Variants in KHDRBS3 observed in about 807,000 individuals in gnomAD.
The protein encoded by KHDRBS3 is KH domain-containing, RNA-binding, signal transduction-associated protein 3.
A neutral mutation model predicts 45.6 loss-of-function variants in KHDRBS3; 23 were observed. The observed-to-expected ratio is 0.50, with a 90% CI of 0.36 to 0.72. The LOEUF is 0.72. KHDRBS3 is among the 30% of genes least tolerant of loss of function. The pLI is 0.00. For synonymous variants in KHDRBS3, 162 were observed against 156.5 expected (o/e 1.04, Z -0.26); for missense variants, 352 against 424.8 (o/e 0.83, Z 1.51).
chr8:135,474,903 T>G (rs1430769169), intron 1 of KHDRBS3, among the ~76,000 whole-genome samples: 2 of 152,220 alleles, frequency 1.3e-5, no homozygotes, highest in East Asian at 3.9e-4. Context: ...TCTGGAGGCT[T>G]CAGGGGAGAG....
intron 2 of KHDRBS3, among the ~76,000 whole-genome samples, chr8:135,534,961 C>T (rs1197824844): frequency 1.3e-5 from 2 of 152,108 alleles, no homozygotes; most frequent in Non-Finnish European, 2.9e-5. Flanking sequence ...ACTGAGGTCC[C>T]CGCTGACAGC....
chr8:135,480,397 A>C (rs1382398988), intron 1 of KHDRBS3, among the ~76,000 whole-genome samples: 1 of 152,134 alleles, frequency 6.6e-6, no homozygotes, highest in Non-Finnish European at 1.5e-5. Context: ...CCACTAAAAA[A>C]CTACTAAAAC....
intron 7 of KHDRBS3, among the ~76,000 whole-genome samples, chr8:135,624,205 G>A (rs1191251158): frequency 2.0e-5 from 3 of 152,152 alleles, no homozygotes; most frequent in African/African-American, 7.2e-5. Context: ...AGAAAGAATT[G>A]CAGCATGGTC....
chr8:135,536,998 G>GAAAAA (rs148125847), intron 2 of KHDRBS3, among the ~76,000 whole-genome samples: 1 of 26,852 alleles, frequency 3.7e-5, no homozygotes, highest in South Asian at 2.1e-3. Context: ...AAAAAAAAAA[G>GAAAAA]GAGATGTTTA....
intron 7 of KHDRBS3, among the ~76,000 whole-genome samples, chr8:135,630,249 T>A (rs1830537889): frequency 6.6e-6 from 1 of 152,170 alleles, no homozygotes; most frequent in African/African-American, 2.4e-5. Flanking sequence ...GCAGACTGAC[T>A]CCCTGGGGAG....
intron 1 of KHDRBS3, among the ~76,000 whole-genome samples, chr8:135,487,799 C>T (rs532235986): frequency 3.3e-5 from 5 of 152,258 alleles, no homozygotes; most frequent in South Asian, 2.1e-4. Flanking sequence ...TGAGCGAGAA[C>T]GTTCAATGTG....
intron 2 of KHDRBS3, among the ~76,000 whole-genome samples, chr8:135,522,244 C>T (rs755064311): frequency 3.9e-5 from 6 of 152,184 alleles, no homozygotes; most frequent in Non-Finnish European, 8.8e-5. Context: ...ATAATAGCTT[C>T]CAGCTCCTTC....
intron 3 of KHDRBS3, among the ~76,000 whole-genome samples, chr8:135,547,532 A>G (rs1422867390): frequency 2.0e-5 from 3 of 152,222 alleles, no homozygotes; most frequent in African/African-American, 7.2e-5. Context: ...AGGTGACTAA[A>G]TCCCATGCCC....
chr8:135,654,372 G>A (rs1295811810), intron 4 of KHDRBS3, among the ~76,000 whole-genome samples: 1 of 152,218 alleles, frequency 6.6e-6, no homozygotes, highest in Non-Finnish European at 1.5e-5. Context: ...GTTTCCCATA[G>A]AGGTCATGGT....
rs79060198 is a variant in KHDRBS3, at chr8:135,592,786, A to G, written c.807+10713A>G. On this transcript the variant is annotated intron_variant, in intron 6 of 8. Coordinates refer to ENST00000355849, the MANE Select transcript of KHDRBS3 (RefSeq NM_006558.3). ...GGTTATATAGCATCTTCCATAAGGA[A>G]CAGTAAATTTTTGCAGAAATGACTA... Among the ~76,000 whole-genome samples, 164 of 152,336 alleles carry G rather than the reference A, an allele frequency of 1.1e-3. 1 individual carries two copies. In the East Asian group the frequency reaches 0.022, roughly 20 times the overall value.
intron 1 of KHDRBS3, among the ~76,000 whole-genome samples, chr8:135,462,237 GT>G (rs541659142): frequency 0.058 from 8,128 of 140,128 alleles, 271 homozygotes; most frequent in Admixed American, 0.12. Context: ...TGTGTTATCA[GT>G]TTTTTTTTTT....
At chr8:135,586,328 C>A (rs1197621428) in intron 6 of KHDRBS3, among the ~76,000 whole-genome samples, 6 of 149,316 alleles carry the variant, frequency 4.0e-5, no homozygotes, top group Non-Finnish European at 4.5e-5. Context: ...AAAACAAAAC[C>A]AAAAAAAAAA....
At chr8:135,612,149 C>A (rs1829731364) in intron 7 of KHDRBS3, among the ~76,000 whole-genome samples, 1 of 151,806 alleles carries the variant, frequency 6.6e-6, no homozygotes, top group South Asian at 2.1e-4. Flanking sequence ...ACCTCGGTGC[C>A]AAAACATTCT....
chr8:135,640,049 G>A (rs2131178312), intron 7 of KHDRBS3, among the ~76,000 whole-genome samples: 1 of 152,254 alleles, frequency 6.6e-6, no homozygotes, highest in East Asian at 1.9e-4. Flanking sequence ...CATTGAGCAA[G>A]AAACTTTCAA....
chr8:135,466,548 C>G (rs1256603091), intron 1 of KHDRBS3, among the ~76,000 whole-genome samples: 2 of 152,188 alleles, frequency 1.3e-5, no homozygotes, highest in Non-Finnish European at 2.9e-5. Context: ...AATTATACTC[C>G]TCACAGTTAA....
intron 5 of KHDRBS3, among the ~76,000 whole-genome samples, chr8:135,561,957 T>G (rs10089440): frequency 0.57 from 87,353 of 151,940 alleles, 26,029 homozygotes; most frequent in East Asian, 0.78. Flanking sequence ...AGCCAAGTGT[T>G]GCTAGAAAAG....
intron 6 of KHDRBS3, among the ~76,000 whole-genome samples, chr8:135,598,197 A>G (rs553850508): frequency 1.2e-4 from 19 of 152,346 alleles, no homozygotes; most frequent in African/African-American, 3.6e-4. Flanking sequence ...ATAAAAGTCA[A>G]ATACCTTGGA....
At chr8:135,607,780 A>C (rs923974132) in intron 7 of KHDRBS3, among the ~76,000 whole-genome samples, 1 of 152,350 alleles carries the variant, frequency 6.6e-6, no homozygotes, top group East Asian at 1.9e-4. Context: ...AATATGGACT[A>C]TGAGGTGATT....
chr8:135,634,725 A>G (rs566185225), intron 7 of KHDRBS3, among the ~76,000 whole-genome samples: 1 of 152,194 alleles, frequency 6.6e-6, no homozygotes, highest in Non-Finnish European at 1.5e-5. Context: ...TCTGCCCCAG[A>G]AGACCAAGCT....
Sources: allele counts gnomAD v4.1 joint callset (sites outside exome capture counted in the v4.1 genomes callset), GRCh38; gene constraint gnomAD v4.1.1; transcripts MANE v1.5; gene names NCBI Gene and HGNC (gene_info 2026-07-23, HGNC 2026-07-21).